Variants in PTPRD observed in about 807,000 individuals in gnomAD.
PTPRD encodes the protein receptor-type tyrosine-protein phosphatase delta.
PTPRD carries 34 observed loss-of-function variants against 214.5 expected under a neutral mutation model. The ratio of observed to expected loss-of-function variants is 0.16; its 90% CI spans 0.12 to 0.21. The LOEUF (loss-of-function observed/expected upper bound fraction) is 0.21. Among genes scored for constraint, PTPRD ranks in the 10% least tolerant of loss-of-function variants. The probability of loss-of-function intolerance (pLI) is 1.00; values close to 1 mark genes in which losing one functional copy is unlikely to be tolerated. For missense variants in PTPRD, 2,545 were observed against 2,398.7 expected, an observed-to-expected ratio of 1.06 and a Z score of -1.27; for synonymous variants, 1,128 against 845.7, an observed-to-expected ratio of 1.33 and a Z score of -5.79.
At chr9:9,675,279 TA>T in intron 7 of PTPRD, among the ~76,000 whole-genome samples, 1 of 151,910 alleles carries the variant, frequency 6.6e-6, no homozygotes. Context: ...GTAGATGCAG[TA>T]AAAGGACTTT....
chr9:9,546,488 T>C lies in PTPRD; in HGVS notation c.-237+28244A>G, dbSNP rs115881653. ...CATTATTTGCCCTCCTTAGGTGATT[T>C]TGCATAGAATCTTTGTTCTTTTCTA... On this transcript the variant is annotated intron_variant, in intron 8 of 45. Transcript: ENST00000381196. Among the ~76,000 whole-genome samples the C allele has an allele frequency of 3.3e-3, 508 of 151,958 alleles. 5 individuals are homozygous for C. Among genetic ancestry groups the C allele is most frequent in the African/African-American group, 0.011 (443 of 41,546 alleles).
chr9:8,408,544 T>A (rs1260515631), intron 35 of PTPRD, among the ~76,000 whole-genome samples: 1 of 152,204 alleles, frequency 6.6e-6, no homozygotes, highest in Non-Finnish European at 1.5e-5. Context: ...TAGATTTATT[T>A]AAGTAAAAGT....
intron 12 of PTPRD, among the ~76,000 whole-genome samples, chr9:8,733,283 T>C (rs1365247352): frequency 1.3e-5 from 2 of 152,046 alleles, no homozygotes; most frequent in Non-Finnish European, 2.9e-5. Flanking sequence ...TTCAATACTG[T>C]ACTCGACGAC....
chr9:10,477,364 A>G (rs1405546715), intron 2 of PTPRD, among the ~76,000 whole-genome samples: 2 of 152,214 alleles, frequency 1.3e-5, no homozygotes, highest in African/African-American at 4.8e-5. Flanking sequence ...TATTTGGCCA[A>G]CAAACGCGTG....
chr9:9,955,532 T>G (rs577516455), intron 4 of PTPRD, among the ~76,000 whole-genome samples: 3 of 128,948 alleles, frequency 2.3e-5, no homozygotes, highest in East Asian at 3.9e-4. Flanking sequence ...TTTTGTTTTT[T>G]TTTTTTTTTG....
At chr9:9,957,843 G>A (rs918497168) in intron 4 of PTPRD, among the ~76,000 whole-genome samples, 15 of 150,636 alleles carry the variant, frequency 1.0e-4, no homozygotes, top group East Asian at 2.0e-4. Flanking sequence ...AAGATACACC[G>A]ATCAACAGAA....
At chr9:8,910,512 AG>A (rs1475670078) in intron 11 of PTPRD, among the ~76,000 whole-genome samples, 2 of 152,112 alleles carry the variant, frequency 1.3e-5, no homozygotes, top group Admixed American at 6.5e-5. Flanking sequence ...AGAGGAAGAG[AG>A]ACCTGAGCTA....
At chr9:8,445,292 T>C (rs2095680679) in intron 34 of PTPRD, among the ~76,000 whole-genome samples, 1 of 152,164 alleles carries the variant, frequency 6.6e-6, no homozygotes, top group Admixed American at 6.5e-5. Flanking sequence ...TTCTCTTAAA[T>C]GATTAGGTAG....
intron 11 of PTPRD, among the ~76,000 whole-genome samples, chr9:8,816,199 T>C (rs889791727): frequency 6.6e-6 from 1 of 152,132 alleles, no homozygotes; most frequent in Non-Finnish European, 1.5e-5. Flanking sequence ...AAGCAGGAAA[T>C]TAAAAATCCA....
chr9:10,144,457 T>C (rs1473572472), intron 3 of PTPRD, among the ~76,000 whole-genome samples: 1 of 152,142 alleles, frequency 6.6e-6, no homozygotes, highest in East Asian at 1.9e-4. Flanking sequence ...GAACTTGCTG[T>C]ATTCCCCCTG....
At chr9:9,942,730 G>A (rs2091809675) in intron 4 of PTPRD, among the ~76,000 whole-genome samples, 2 of 152,140 alleles carry the variant, frequency 1.3e-5, no homozygotes, top group Non-Finnish European at 2.9e-5. Flanking sequence ...GTTTGAGCAT[G>A]TTTTCATAAT....
chr9:8,719,591 G>T (rs746354184), intron 12 of PTPRD, among the ~76,000 whole-genome samples: 41 of 152,144 alleles, frequency 2.7e-4, no homozygotes, highest in Non-Finnish European at 4.9e-4. Flanking sequence ...CCCACTGCAC[G>T]TATTTTTAAA....
intron 2 of PTPRD, among the ~76,000 whole-genome samples, chr9:10,474,714 A>C (rs1332373015): frequency 1.3e-5 from 2 of 152,154 alleles, no homozygotes; most frequent in Admixed American, 1.3e-4. Context: ...CCTACTCTAA[A>C]ACAGACCACA....
chr9:9,505,480 T>C (rs1016015888), intron 8 of PTPRD, among the ~76,000 whole-genome samples: 5 of 151,578 alleles, frequency 3.3e-5, no homozygotes, highest in African/African-American at 4.8e-5. Context: ...AACCCTGGAA[T>C]AAATTTGATG....
intron 5 of PTPRD, among the ~76,000 whole-genome samples, chr9:9,907,780 AG>A (rs2078019144): frequency 6.6e-6 from 1 of 151,978 alleles, no homozygotes; most frequent in African/African-American, 2.4e-5. Context: ...CCTAACCATA[AG>A]CACTCTTTAA....
chr9:9,023,683 A>G (rs2099577186), intron 10 of PTPRD, among the ~76,000 whole-genome samples: 2 of 151,754 alleles, frequency 1.3e-5, no homozygotes, highest in South Asian at 4.2e-4. Flanking sequence ...CTAATAATCC[A>G]CAGTGTCTAT....
At chr9:8,544,591 T>A (rs923803820) in intron 14 of PTPRD, among the ~76,000 whole-genome samples, 1 of 149,390 alleles carries the variant, frequency 6.7e-6, no homozygotes, top group African/African-American at 2.5e-5. Flanking sequence ...TGCCTCAGCC[T>A]CCCGAATAGC....
intron 14 of PTPRD, among the ~76,000 whole-genome samples, chr9:8,577,449 T>A (rs2092558861): frequency 6.6e-6 from 1 of 152,056 alleles, no homozygotes; most frequent in South Asian, 2.1e-4. Flanking sequence ...CAGACAGGGT[T>A]TCTCCATGTT....
At chr9:9,310,797 AATTCCAGCT>A (rs1958727918) in intron 9 of PTPRD, among the ~76,000 whole-genome samples, 1 of 152,006 alleles carries the variant, frequency 6.6e-6, no homozygotes, top group South Asian at 2.1e-4. Flanking sequence ...AAATGCCTGT[AATTCCAGCT>A]ACTCGGGAGG....
Sources: gnomAD v4.1 joint callset for allele counts (sites outside exome capture counted in the v4.1 genomes callset) on GRCh38, gnomAD v4.1.1 for gene constraint, MANE v1.5 for transcripts, NCBI Gene and HGNC (gene_info 2026-07-23, HGNC 2026-07-21) for gene names.